Variants in SPACA7 observed in about 807,000 individuals in gnomAD.
SPACA7 encodes sperm acrosome associated 7.
A neutral mutation model predicts 26.3 loss-of-function variants in SPACA7; 19 were observed. The observed-to-expected ratio is 0.72, with a 90% confidence interval of 0.50 to 1.06. The LOEUF is 1.06. Among genes scored for constraint, SPACA7 ranks in the 50% least tolerant of loss-of-function variants. The pLI, the probability that SPACA7 is intolerant of heterozygous loss-of-function variation, is 0.00. For missense variants in SPACA7, 211 were observed against 229.9 expected (o/e 0.92, Z 0.53); for synonymous variants, 84 against 84.5 (o/e 0.99, Z 0.04).
chr13:112,425,260 G>GA (rs1555330268), intron 5 of SPACA7, among the ~76,000 whole-genome samples: 1 of 151,900 alleles, frequency 6.6e-6, no homozygotes, highest in Non-Finnish European at 1.5e-5. Flanking sequence ...GGCATGAGTT[G>GA]AAAAAAAAGT....
At chr13:112,424,517 GC>G (rs1876337087) in intron 5 of SPACA7, among the ~76,000 whole-genome samples, 1 of 152,084 alleles carries the variant, frequency 6.6e-6, no homozygotes, top group Non-Finnish European at 1.5e-5. Context: ...GTGTTGGGGG[GC>G]TTGGTGCTTT....
chr13:112,410,206 G>T (rs1266468355), intron 5 of SPACA7, among the ~76,000 whole-genome samples: 2 of 152,024 alleles, frequency 1.3e-5, no homozygotes, highest in Non-Finnish European at 2.9e-5. Flanking sequence ...TCAGATGCTG[G>T]GGCCTGTGAT....
At chr13:112,396,825 T>C (rs1441749210) in intron 2 of SPACA7, among the ~76,000 whole-genome samples, 1 of 152,086 alleles carries the variant, frequency 6.6e-6, no homozygotes. Context: ...GTCCCTGAGG[T>C]TGTCCTGGCC....
At chr13:112,403,999 C>T (rs1885813409) in intron 5 of SPACA7, among the ~76,000 whole-genome samples, 1 of 152,216 alleles carries the variant, frequency 6.6e-6, no homozygotes, top group African/African-American at 2.4e-5. Flanking sequence ...GGAATCTCCA[C>T]ACTGTTTTCC....
At chr13:112,420,760 A>G (rs1875871609) in intron 5 of SPACA7, among the ~76,000 whole-genome samples, 2 of 152,156 alleles carry the variant, frequency 1.3e-5, no homozygotes, top group South Asian at 4.1e-4. Context: ...AGAGACACAC[A>G]CACACTGTAG....
chr13:112,412,757 A>T (rs1195502508), intron 5 of SPACA7, among the ~76,000 whole-genome samples: 1 of 152,068 alleles, frequency 6.6e-6, no homozygotes, highest in Non-Finnish European at 1.5e-5. Flanking sequence ...TTGAAAATGA[A>T]TTGGCTGTAA....
In SPACA7 at chr13:112,376,463, G is replaced by A. The variant is rs146975122; in HGVS notation, c.78G>A (p.Pro26=). 880 of 1,613,258 alleles carry A rather than the reference G, an allele frequency of 5.5e-4. 1 individual carries two copies. The highest frequency in any genetic ancestry group is 6.7e-4 in the Non-Finnish European group (794 of 1,179,666). The change falls in exon 1 of 7, where the codon CCG becomes CCA. Residue 26 remains proline, a synonymous_variant. Coordinates refer to ENST00000283550, the MANE Select transcript of SPACA7 (RefSeq NM_145248.5). The part of the protein sequence containing the change: ...LCCWQETELR[P]RTVIPGSPTE... Reference sequence around the variant, plus strand: ...GTTGGCAAGAAACTGAGCTCCGGCCGAGAACCGTGATTCCAGGTAGGGCCC... The same window carrying A: ...GTTGGCAAGAAACTGAGCTCCGGCCAAGAACCGTGATTCCAGGTAGGGCCC...
intron 5 of SPACA7, among the ~76,000 whole-genome samples, chr13:112,405,066 T>C (rs1256190820): frequency 1.4e-5 from 2 of 143,542 alleles, no homozygotes; most frequent in Non-Finnish European, 3.0e-5. Flanking sequence ...CACTGCAAGC[T>C]CCGCCTCCCG....
At chr13:112,402,769 G>C (rs1885729758) in intron 5 of SPACA7, among the ~76,000 whole-genome samples, 1 of 151,942 alleles carries the variant, frequency 6.6e-6, no homozygotes, top group Non-Finnish European at 1.5e-5. Flanking sequence ...TTTTTCTTTA[G>C]ATCTATTAAA....
At chr13:112,417,973 T>G (rs992732007) in intron 5 of SPACA7, among the ~76,000 whole-genome samples, 2 of 152,202 alleles carry the variant, frequency 1.3e-5, no homozygotes, top group African/African-American at 4.8e-5. Flanking sequence ...TGTAATCTTA[T>G]TTTTCTTTCC....
intron 5 of SPACA7, among the ~76,000 whole-genome samples, chr13:112,418,395 C>T (rs558645972): frequency 1.3e-5 from 2 of 152,210 alleles, no homozygotes; most frequent in Admixed American, 6.5e-5. Flanking sequence ...CTGAATAATG[C>T]TACGACTGCT....
intron 5 of SPACA7, among the ~76,000 whole-genome samples, chr13:112,416,206 T>C (rs1341778992): frequency 6.6e-6 from 1 of 152,132 alleles, no homozygotes; most frequent in Non-Finnish European, 1.5e-5. Flanking sequence ...TTCAATTTTA[T>C]GTTCCTACAG....
intron 5 of SPACA7, among the ~76,000 whole-genome samples, chr13:112,422,626 A>G (rs1347212785): frequency 6.6e-6 from 1 of 152,220 alleles, no homozygotes; most frequent in Non-Finnish European, 1.5e-5. Flanking sequence ...ACCAGAAATC[A>G]ATAATAGAAA....
intron 1 of SPACA7, among the ~76,000 whole-genome samples, chr13:112,387,227 G>A (rs372888502): frequency 6.6e-6 from 1 of 152,296 alleles, no homozygotes; most frequent in East Asian, 1.9e-4. Flanking sequence ...CCTAATTCCT[G>A]TCTTCTAGAT....
Position 112,423,452 on chromosome 13 carries a change from C to T in SPACA7, c.446-8992C>T, listed in dbSNP as rs187777852. On this transcript the variant is annotated intron_variant, in intron 5 of 6. Coordinates refer to ENST00000283550, the MANE Select transcript of SPACA7 (RefSeq NM_145248.5). Reference sequence around the variant, plus strand: ...AATACCAAAAAAGAACTAGGAGAAACAGAAACAAAAAAGTCATTAAAATTC... The same window carrying T: ...AATACCAAAAAAGAACTAGGAGAAATAGAAACAAAAAAGTCATTAAAATTC... Among the ~76,000 whole-genome samples, 608 of 151,534 alleles carry T rather than the reference C, an allele frequency of 4.0e-3. 2 individuals carry two copies. Among genetic ancestry groups the T allele is most frequent in the African/African-American group, 0.014 (577 of 41,278 alleles).
chr13:112,416,567 G>A (rs1886706636), intron 5 of SPACA7, among the ~76,000 whole-genome samples: 1 of 152,178 alleles, frequency 6.6e-6, no homozygotes, highest in South Asian at 2.1e-4. Flanking sequence ...GATTACAGGT[G>A]TGAGCCACCA....
chr13:112,379,495 A>C (rs1043340060), intron 1 of SPACA7, among the ~76,000 whole-genome samples: 1 of 152,244 alleles, frequency 6.6e-6, no homozygotes, highest in African/African-American at 2.4e-5. Flanking sequence ...ATACAACATT[A>C]CAAGACAATA....
intron 1 of SPACA7, among the ~76,000 whole-genome samples, chr13:112,380,686 A>G: frequency 6.6e-6 from 1 of 152,208 alleles, no homozygotes; most frequent in East Asian, 1.9e-4. Flanking sequence ...AAACCACTGT[A>G]GGACAAAATT....
intron 2 of SPACA7, among the ~76,000 whole-genome samples, chr13:112,397,768 G>C (rs1173317865): frequency 6.6e-6 from 1 of 152,226 alleles, no homozygotes; most frequent in African/African-American, 2.4e-5. Flanking sequence ...GACCACGTGT[G>C]GGCCAAGCGT....
Sources: allele counts gnomAD v4.1 joint callset (sites outside exome capture counted in the v4.1 genomes callset), GRCh38; gene constraint gnomAD v4.1.1; transcripts MANE v1.5; gene names NCBI Gene and HGNC (gene_info 2026-07-23, HGNC 2026-07-21).